The following FAF1 variants were observed in gnomAD, a reference collection of about 807,000 sequenced individuals.
FAF1 encodes the protein FAS-associated factor 1.
In FAF1, 25 loss-of-function variants were observed where a neutral mutation model predicts 92.5. The observed-to-expected ratio is 0.27, with a 90% confidence interval of 0.20 to 0.38. The LOEUF is 0.38. Among genes scored for constraint, FAF1 ranks in the 10% least tolerant of loss-of-function variants. The probability of loss-of-function intolerance (pLI) is 1.00; values close to 1 mark genes in which losing one functional copy is unlikely to be tolerated. For missense variants in FAF1, 636 were observed against 793.3 expected, an observed-to-expected ratio of 0.80 and a Z score of 2.38; for synonymous variants, 234 against 273.2, an observed-to-expected ratio of 0.86 and a Z score of 1.42.
At chr1:50,804,018 G>C (rs1484546541) in intron 2 of FAF1, among the ~76,000 whole-genome samples, 1 of 147,778 alleles carries the variant, frequency 6.8e-6, no homozygotes, top group Non-Finnish European at 1.5e-5. Flanking sequence ...AGAAGCAAAG[G>C]AAAATTCCAG....
At chr1:50,952,107 C>T (rs1181885179) in intron 1 of FAF1, among the ~76,000 whole-genome samples, 2 of 152,170 alleles carry the variant, frequency 1.3e-5, no homozygotes, top group East Asian at 3.9e-4. Context: ...CCCCTTTCTA[C>T]GGTCTCCATC....
chr1:50,530,612 A>G (rs1237941058), intron 15 of FAF1, among the ~76,000 whole-genome samples: 1 of 152,196 alleles, frequency 6.6e-6, no homozygotes, highest in East Asian at 1.9e-4. Context: ...ACTTAATTGT[A>G]TATTTTAAAA....
At chr1:50,493,974 G>C (rs749242180) in intron 15 of FAF1, among the ~76,000 whole-genome samples, 1 of 152,210 alleles carries the variant, frequency 6.6e-6, no homozygotes, top group Non-Finnish European at 1.5e-5. Context: ...CAGACTGTAG[G>C]AGATATGAAA....
At chr1:50,564,529 C>T (rs1227062967) in intron 13 of FAF1, among the ~76,000 whole-genome samples, 1 of 152,026 alleles carries the variant, frequency 6.6e-6, no homozygotes, top group Non-Finnish European at 1.5e-5. Flanking sequence ...ACATGTACCC[C>T]ATGGATCAAT....
chr1:50,917,647 AGG>A (rs1644929170), intron 1 of FAF1, among the ~76,000 whole-genome samples: 1 of 132,844 alleles, frequency 7.5e-6, no homozygotes, highest in Non-Finnish European at 1.6e-5. Context: ...AGGAAAGGAA[AGG>A]AAAGGAAAGG....
intron 2 of FAF1, among the ~76,000 whole-genome samples, chr1:50,825,210 C>G (rs1307039211): frequency 6.6e-6 from 1 of 152,078 alleles, no homozygotes; most frequent in Non-Finnish European, 1.5e-5. Context: ...ATACCACATG[C>G]AACCCATAAA....
chr1:50,861,108 C>T (rs1365141772), intron 1 of FAF1, among the ~76,000 whole-genome samples: 3 of 151,816 alleles, frequency 2.0e-5, no homozygotes, highest in Non-Finnish European at 4.4e-5. Context: ...GTTGACTATT[C>T]AGTACTATGT....
chr1:50,864,617 T>C (rs1570070928), intron 1 of FAF1, among the ~76,000 whole-genome samples: 1 of 151,248 alleles, frequency 6.6e-6, no homozygotes, highest in South Asian at 2.1e-4. Context: ...TAAATGGTGC[T>C]GGGAAAACTG....
intron 15 of FAF1, among the ~76,000 whole-genome samples, chr1:50,518,044 G>A (rs1017227252): frequency 1.3e-5 from 2 of 152,058 alleles, no homozygotes; most frequent in Non-Finnish European, 2.9e-5. Context: ...ATAGATTCAT[G>A]TAACCACCAC....
At chr1:50,880,900 T>A (rs562831534) in intron 1 of FAF1, among the ~76,000 whole-genome samples, 2 of 152,346 alleles carry the variant, frequency 1.3e-5, no homozygotes, top group Non-Finnish European at 2.9e-5. Flanking sequence ...GCAATTTCAA[T>A]GGTACTTGTT....
At position 50,902,880 on chromosome 1, in the gene FAF1, C is replaced by G. The variant is rs979608733; in HGVS notation, c.46-44883G>C. ...TGTGGTTGGTTGAATCTGGAAATGC[C>G]GAACTCAAGAATATTAATAAAAATC... On this transcript the variant is annotated intron_variant, in intron 1 of 18. Transcript: ENST00000396153. Among the ~76,000 whole-genome samples the G allele has an allele frequency of 1.2e-4, 18 of 151,990 alleles. No homozygotes were observed. The East Asian group carries it at 3.5e-3, about 29-fold the overall frequency.
intron 6 of FAF1, among the ~76,000 whole-genome samples, chr1:50,723,757 T>C: frequency 6.6e-6 from 1 of 152,034 alleles, no homozygotes; most frequent in East Asian, 1.9e-4. Context: ...TTTTTTTTCT[T>C]TTTTTTCTGA....
intron 6 of FAF1, among the ~76,000 whole-genome samples, chr1:50,726,670 A>G (rs991734258): frequency 3.3e-5 from 5 of 152,138 alleles, no homozygotes; most frequent in African/African-American, 1.2e-4. Flanking sequence ...TCTACTAAAA[A>G]TACAAAAAAT....
intron 1 of FAF1, among the ~76,000 whole-genome samples, chr1:50,907,091 G>A (rs899343178): frequency 1.3e-5 from 2 of 152,114 alleles, no homozygotes; most frequent in African/African-American, 2.4e-5. Context: ...TAGCATGAAG[G>A]GCTATAGAAT....
At chr1:50,678,960 G>A (rs188755722) in intron 7 of FAF1, among the ~76,000 whole-genome samples, 3 of 151,656 alleles carry the variant, frequency 2.0e-5, no homozygotes, top group East Asian at 1.9e-4. Flanking sequence ...GGTGGCAGGC[G>A]CCTGTAGTCC....
chr1:50,899,639 G>A (rs1242090076), intron 1 of FAF1, among the ~76,000 whole-genome samples: 1 of 152,092 alleles, frequency 6.6e-6, no homozygotes, highest in East Asian at 1.9e-4. Context: ...TTTTAGTAAA[G>A]ACAGGGTTTC....
At chr1:50,665,491 A>G (rs1655576708) in intron 7 of FAF1, among the ~76,000 whole-genome samples, 1 of 152,240 alleles carries the variant, frequency 6.6e-6, no homozygotes, top group Non-Finnish European at 1.5e-5. Flanking sequence ...TAAATAAAAT[A>G]CTGTGCGGTT....
At chr1:50,786,006 C>T (rs1041379175) in intron 4 of FAF1, among the ~76,000 whole-genome samples, 13 of 151,984 alleles carry the variant, frequency 8.6e-5, no homozygotes, top group African/African-American at 1.9e-4. Flanking sequence ...TGGTGGCACA[C>T]GCCTATAGTC....
rs149875420 is a variant in FAF1 at position 50,627,724 on chromosome 1, T to C, written c.744+27718A>G. Among the ~76,000 whole-genome samples, 9 of 152,332 alleles carry C rather than the reference T, an allele frequency of 5.9e-5. No homozygotes were observed. In the East Asian group the frequency reaches 1.7e-3, roughly 29 times the overall value. On this transcript the variant is annotated intron_variant, in intron 8 of 18. Coordinates refer to ENST00000396153, the MANE Select transcript of FAF1 (RefSeq NM_007051.3). ...GGGGGGCTTCTGGGATACTTTAAAA[T>C]GTTTTCTTTCTTAATCTGGATGCTG...
Sources: allele counts gnomAD v4.1 joint callset (sites outside exome capture counted in the v4.1 genomes callset), GRCh38; gene constraint gnomAD v4.1.1; transcripts MANE v1.5; gene names NCBI Gene and HGNC (gene_info 2026-07-23, HGNC 2026-07-21).